The following MGAT4C variants were observed in gnomAD, a reference collection of about 807,000 sequenced individuals.
The protein encoded by MGAT4C is MGAT4 family member C, also known as alpha-1,3-mannosyl-glycoprotein 4-beta-N-acetylglucosaminyltransferase C.
A neutral mutation model predicts 40.1 loss-of-function variants in MGAT4C; 19 were observed. That is an observed-to-expected ratio of 0.47 (90% CI 0.33 to 0.70). The LOEUF is 0.70. MGAT4C is among the 30% of genes least tolerant of loss of function. The pLI is 0.02. For missense variants in MGAT4C, 491 were observed against 563.2 expected (o/e 0.87, Z 1.30); for synonymous variants, 181 against 187.1 (o/e 0.97, Z 0.27).
chr12:86,338,736 G>A (rs1375010365), intron 3 of MGAT4C, among the ~76,000 whole-genome samples: 1 of 151,924 alleles, frequency 6.6e-6, no homozygotes, highest in East Asian at 1.9e-4. Flanking sequence ...GAGGTAGCTG[G>A]ATCGCTTGAG....
At position 86,657,009 on chromosome 12, in the gene MGAT4C, G is replaced by A. The variant is rs1593085865; in HGVS notation, c.-229+70200C>T. ...ACTTACATGGGTATAAGAACTATGT[G>A]TGCATTTTGTTTATATGTGAATTGA... On this transcript the variant is annotated intron_variant, in intron 2 of 7. Transcript: ENST00000548651. Among the ~76,000 whole-genome samples the A allele has an allele frequency of 2.0e-5, 3 of 152,002 alleles. No individual in the cohort carries two copies. In the East Asian group the frequency reaches 5.8e-4, roughly 29 times the overall value.
intron 1 of MGAT4C, among the ~76,000 whole-genome samples, chr12:86,109,091 A>G (rs1876734638): frequency 6.6e-6 from 1 of 152,196 alleles, no homozygotes; most frequent in Admixed American, 6.6e-5. Flanking sequence ...ATGGGATTTA[A>G]ATCAGCACTA....
intron 1 of MGAT4C, among the ~76,000 whole-genome samples, chr12:86,254,498 G>T (rs568800098): frequency 6.6e-6 from 1 of 152,088 alleles, no homozygotes; most frequent in South Asian, 2.1e-4. Context: ...GATTTTTAAA[G>T]AATTAATTAT....
chr12:86,498,285 CA>C, intron 2 of MGAT4C, among the ~76,000 whole-genome samples: 1 of 151,532 alleles, frequency 6.6e-6, no homozygotes, highest in South Asian at 2.1e-4. Flanking sequence ...GACCCTTGAA[CA>C]ACAGAGGTTT....
intron 2 of MGAT4C, among the ~76,000 whole-genome samples, chr12:86,496,236 C>T (rs775970972): frequency 4.0e-5 from 6 of 151,786 alleles, no homozygotes; most frequent in Non-Finnish European, 7.4e-5. Context: ...GGCTCTCTTG[C>T]GGACAACCAC....
intron 1 of MGAT4C, among the ~76,000 whole-genome samples, chr12:86,157,396 T>A (rs1156706814): frequency 1.3e-5 from 2 of 152,170 alleles, no homozygotes. Flanking sequence ...CAAAATGAGA[T>A]TAAAGGCAAT....
At chr12:86,059,929 C>T (rs1380127713) in intron 1 of MGAT4C, among the ~76,000 whole-genome samples, 1 of 152,102 alleles carries the variant, frequency 6.6e-6, no homozygotes, top group East Asian at 1.9e-4. Flanking sequence ...AGACGAAGAT[C>T]TTATACAGAA....
At chr12:86,299,019 G>A (rs181407989) in intron 4 of MGAT4C, among the ~76,000 whole-genome samples, 3 of 152,134 alleles carry the variant, frequency 2.0e-5, no homozygotes, top group Non-Finnish European at 2.9e-5. Context: ...TCCCTGTAAG[G>A]GTTGGGAATA....
chr12:86,080,281 A>G (rs1196400326), intron 1 of MGAT4C, among the ~76,000 whole-genome samples: 1 of 152,162 alleles, frequency 6.6e-6, no homozygotes. Context: ...GTGTCTGGGC[A>G]AGCAGTTGTA....
At chr12:86,393,077 A>G (rs1956186212) in intron 3 of MGAT4C, among the ~76,000 whole-genome samples, 1 of 152,320 alleles carries the variant, frequency 6.6e-6, no homozygotes, top group African/African-American at 2.4e-5. Flanking sequence ...CAGGGAAAAT[A>G]ATATTATCTT....
chr12:86,505,582 C>A (rs1170325977), intron 2 of MGAT4C, among the ~76,000 whole-genome samples: 1 of 152,148 alleles, frequency 6.6e-6, no homozygotes, highest in Non-Finnish European at 1.5e-5. Context: ...TCTATAACAG[C>A]AGAGTATAAT....
intron 1 of MGAT4C, among the ~76,000 whole-genome samples, chr12:86,799,621 T>C (rs1339224427): frequency 3.3e-5 from 5 of 151,966 alleles, no homozygotes; most frequent in African/African-American, 1.2e-4. Flanking sequence ...TAGTAAATCA[T>C]ATCTCATATT....
chr12:86,520,273 CAT>C (rs939082415), intron 2 of MGAT4C, among the ~76,000 whole-genome samples: 5 of 152,160 alleles, frequency 3.3e-5, no homozygotes, highest in African/African-American at 1.2e-4. Context: ...TCTATGTGCC[CAT>C]ATGTTCTCAT....
intron 2 of MGAT4C, among the ~76,000 whole-genome samples, chr12:86,487,044 C>A (rs531295392): frequency 7.9e-4 from 121 of 152,264 alleles, no homozygotes; most frequent in Middle Eastern, 3.4e-3. Context: ...AAGTTCCAAT[C>A]GTTTTAATTT....
rs1036257581 is a variant in MGAT4C, at chr12:85,963,015, A to G, written c.*16274T>C. On this transcript the variant is annotated 3_prime_UTR_variant, in exon 5 of 5. Coordinates refer to ENST00000611864, the MANE Select transcript of MGAT4C (RefSeq NM_001351288.2). ...GATCTTTTTAAGTGGCAAATTGTCC[A>G]AAAGAATTTAATTAATATAAACAAT... 4 of 151,846 alleles carry G rather than the reference A, an allele frequency of 2.6e-5. No homozygotes were observed. Among genetic ancestry groups the G allele is most frequent in the Admixed American group, 6.6e-5 (1 of 15,224 alleles). 9.4% of individuals were successfully genotyped at this position (151,846 alleles called of 1,614,324 possible).
rs887495528 is a variant in MGAT4C at position 86,655,043 on chromosome 12, C to CT, written c.-229+72165dup. On this transcript the variant is annotated intron_variant, in intron 2 of 7. Transcript: ENST00000548651. The stretch of plus-strand genomic sequence containing the variant: ...TACGTGTCTTGAATACTATGCAGTT[C>CT]TTTTTTTTTATACTTTAAGTTCTAG... Among the ~76,000 whole-genome samples, 9 of 151,112 alleles carry CT rather than the reference C, an allele frequency of 6.0e-5. 1 individual carries two copies. The highest frequency in any genetic ancestry group is 1.3e-4 in the Admixed American group (2 of 15,132).
intron 4 of MGAT4C, among the ~76,000 whole-genome samples, chr12:86,289,367 T>C (rs1708851191): frequency 6.6e-6 from 1 of 152,212 alleles, no homozygotes; most frequent in South Asian, 2.1e-4. Flanking sequence ...TTCTTTTTGC[T>C]TAAGATTACC....
chr12:86,197,480 C>A (rs1949860285), intron 1 of MGAT4C, among the ~76,000 whole-genome samples: 3 of 151,652 alleles, frequency 2.0e-5, no homozygotes, highest in Admixed American at 2.0e-4. Flanking sequence ...AACTTAGCAC[C>A]CTTATAAAAG....
intron 1 of MGAT4C, among the ~76,000 whole-genome samples, chr12:86,184,762 A>G: frequency 6.6e-6 from 1 of 150,856 alleles, no homozygotes; most frequent in East Asian, 1.9e-4. Context: ...AAAAAAAAAA[A>G]AACTATGGGA....
Sources: allele counts gnomAD v4.1 joint callset (sites outside exome capture counted in the v4.1 genomes callset), GRCh38; gene constraint gnomAD v4.1.1; transcripts MANE v1.5; gene names NCBI Gene and HGNC (gene_info 2026-07-23, HGNC 2026-07-21).